The following FMN2 variants were observed in gnomAD, a reference collection of about 807,000 sequenced individuals.
FMN2 encodes the protein formin-2.
Under a neutral mutation model 142.3 loss-of-function variants are expected in FMN2, and 51 were observed. That is an observed-to-expected ratio of 0.36 (90% CI 0.29 to 0.45). FMN2 has a LOEUF of 0.45. FMN2 is among the 20% of genes least tolerant of loss of function. The probability of loss-of-function intolerance (pLI) is 1.00; values close to 1 mark genes in which losing one functional copy is unlikely to be tolerated. For missense variants in FMN2, 1,936 were observed against 2,122.8 expected (o/e 0.91, Z 1.73); for synonymous variants, 882 against 869.8 (o/e 1.01, Z -0.25).
intron 1 of FMN2, among the ~76,000 whole-genome samples, chr1:240,109,921 A>T (rs1571934511): frequency 6.6e-6 from 1 of 152,198 alleles, no homozygotes; most frequent in East Asian, 1.9e-4. Flanking sequence ...GTCTTCCTCT[A>T]GTAGGCCTAG....
Position 240,093,632 on chromosome 1 carries a change from C to A in FMN2, c.1523C>A (p.Ala508Glu). The change falls in exon 1 of 18, where the codon GCG becomes GAG. Residue 508 changes from alanine to glutamate, a missense_variant. By Grantham distance (107) the Ala-to-Glu change is moderately radical (BLOSUM62 -1). Coordinates refer to ENST00000319653, the MANE Select transcript of FMN2 (RefSeq NM_020066.5). ...GCGCACCTGCTGGAGCGCGGGGTGG[C>A]GAGTGACAGCGGCGGTGGGGTGTCC... The part of the protein sequence containing the change: ...GSAHLLERGV[A>E]SDSGGGVSPA... The A allele has an allele frequency of 2.1e-6, 3 of 1,420,132 alleles. No individual in the cohort carries two copies. The highest frequency in any genetic ancestry group is 2.7e-6 in the Non-Finnish European group (3 of 1,098,712). The allele number at this position is 1,420,132 out of a possible 1,614,324, so 88.0% of individuals were successfully genotyped here.
intron 1 of FMN2, 29 bp from the exon 2 acceptor site, chr1:240,123,150 C>T (rs375408943): frequency 4.9e-5 from 79 of 1,612,484 alleles, no homozygotes; most frequent in Non-Finnish European, 6.2e-5. Flanking sequence ...CGGCAGTGCT[C>T]GCTCTTAATG....
At chr1:240,258,736 A>G (rs1377900471) in intron 7 of FMN2, among the ~76,000 whole-genome samples, 3 of 152,154 alleles carry the variant, frequency 2.0e-5, no homozygotes, top group East Asian at 1.9e-4. Flanking sequence ...ATATCCTCCT[A>G]TGATATTTAT....
chr1:240,314,025 A>AT (rs890212640), intron 8 of FMN2, among the ~76,000 whole-genome samples: 6 of 151,846 alleles, frequency 4.0e-5, no homozygotes, highest in Admixed American at 1.3e-4. Flanking sequence ...TAACGTGTAC[A>AT]TTTTTTTTCA....
At chr1:240,323,201 C>T (rs1572192565) in intron 8 of FMN2, among the ~76,000 whole-genome samples, 1 of 149,836 alleles carries the variant, frequency 6.7e-6, no homozygotes, top group African/African-American at 2.5e-5. Flanking sequence ...CTTTCTCTCT[C>T]TCTCTCACAC....
intron 1 of FMN2, among the ~76,000 whole-genome samples, chr1:240,113,226 A>G (rs573694166): frequency 6.6e-6 from 1 of 152,026 alleles, no homozygotes; most frequent in African/African-American, 2.4e-5. Flanking sequence ...GGAACCGGGA[A>G]GCCTCTGGTT....
At chr1:240,376,068 A>G (rs927705063) in intron 14 of FMN2, among the ~76,000 whole-genome samples, 5 of 151,976 alleles carry the variant, frequency 3.3e-5, no homozygotes, top group Admixed American at 3.3e-4. Context: ...ATCATTATGT[A>G]TTGATTCTCC....
chr1:240,163,734 A>G (rs1319444473), intron 2 of FMN2, among the ~76,000 whole-genome samples: 1 of 151,872 alleles, frequency 6.6e-6, no homozygotes, highest in East Asian at 1.9e-4. Context: ...ATTTTATTGT[A>G]TATTTTCTAT....
intron 1 of FMN2, among the ~76,000 whole-genome samples, chr1:240,108,041 T>A (rs1277805869): frequency 6.6e-6 from 1 of 152,196 alleles, no homozygotes; most frequent in Admixed American, 6.5e-5. Flanking sequence ...ACTAAGAGGA[T>A]CTTCCTGTAA....
chr1:240,339,732 A>C (rs1671685787), intron 13 of FMN2, among the ~76,000 whole-genome samples: 1 of 152,174 alleles, frequency 6.6e-6, no homozygotes, highest in African/African-American at 2.4e-5. Flanking sequence ...TGTTTATTGC[A>C]TGTGCATACA....
intron 2 of FMN2, among the ~76,000 whole-genome samples, chr1:240,138,372 G>C (rs1344518974): frequency 6.6e-6 from 1 of 152,052 alleles, no homozygotes; most frequent in Non-Finnish European, 1.5e-5. Context: ...CTATGAAGGA[G>C]TTAGGTAGTA....
chr1:240,176,841 T>A (rs1664938658), intron 2 of FMN2, among the ~76,000 whole-genome samples: 2 of 152,200 alleles, frequency 1.3e-5, no homozygotes. Flanking sequence ...GAATCTGAAT[T>A]CTCAGTTAGG....
chr1:240,363,529 G>A (rs980778259), intron 14 of FMN2, among the ~76,000 whole-genome samples: 1 of 152,310 alleles, frequency 6.6e-6, no homozygotes, highest in East Asian at 1.9e-4. Context: ...ATGAGGGCAG[G>A]TCTCTGGGAC....
At chr1:240,429,261 C>T (rs1281582391) in intron 15 of FMN2, among the ~76,000 whole-genome samples, 1 of 152,170 alleles carries the variant, frequency 6.6e-6, no homozygotes, top group Non-Finnish European at 1.5e-5. Context: ...GTTCAGTAGA[C>T]ATGTCGTCTT....
At chr1:240,144,343 A>G in intron 2 of FMN2, 1 of 1,606,252 alleles carries the variant, frequency 6.2e-7, no homozygotes, top group East Asian at 2.2e-5. Flanking sequence ...AGATGTCATC[A>G]GGCACCTTGG....
chr1:240,256,408 G>T (rs1373088553), intron 6 of FMN2, among the ~76,000 whole-genome samples: 1 of 151,950 alleles, frequency 6.6e-6, no homozygotes, highest in Non-Finnish European at 1.5e-5. Flanking sequence ...AGCGCCTTTT[G>T]GGAGATATCG....
At chr1:240,272,833 T>C (rs1669065299) in intron 7 of FMN2, among the ~76,000 whole-genome samples, 1 of 152,202 alleles carries the variant, frequency 6.6e-6, no homozygotes, top group Admixed American at 6.6e-5. Context: ...CGGTCAAACA[T>C]GAATACAGCG....
chr1:240,387,768 A>C (rs1405160245), intron 14 of FMN2, among the ~76,000 whole-genome samples: 1 of 152,210 alleles, frequency 6.6e-6, no homozygotes, highest in Non-Finnish European at 1.5e-5. Context: ...GACTTTTCAC[A>C]TATTGCAAGC....
chr1:240,231,136 A>G (rs774783821), intron 6 of FMN2, among the ~76,000 whole-genome samples: 2 of 132,174 alleles, frequency 1.5e-5, no homozygotes, highest in Non-Finnish European at 3.2e-5. Context: ...CAATACTGCC[A>G]CACACGAAGC....
Sources: gnomAD v4.1 joint callset for allele counts (sites outside exome capture counted in the v4.1 genomes callset) on GRCh38, gnomAD v4.1.1 for gene constraint, MANE v1.5 for transcripts, NCBI Gene and HGNC (gene_info 2026-07-23, HGNC 2026-07-21) for gene names.